Variants in CAPRIN1 observed in about 807,000 individuals in gnomAD.
CAPRIN1 encodes the protein cell cycle associated protein 1.
CAPRIN1 carries 29 observed loss-of-function variants against 100.9 expected under a neutral mutation model. That is an observed-to-expected ratio of 0.29 (90% CI 0.21 to 0.39). The LOEUF is 0.39. Among genes scored for constraint, CAPRIN1 ranks in the 10% least tolerant of loss-of-function variants. The pLI is 1.00. For synonymous variants in CAPRIN1, 338 were observed against 307.5 expected (o/e 1.10, Z -1.04); for missense variants, 795 against 876.7 (o/e 0.91, Z 1.18).
At chr11:34,098,762 T>C (rs1306174534) in intron 18 of CAPRIN1, 1 of 984,958 alleles carries the variant, frequency 1.0e-6, no homozygotes, top group African/African-American at 1.7e-5. Flanking sequence ...GCTAAAAATC[T>C]GTTTTAACAG....
chr11:34,065,109 G>A (rs1278293905), intron 2 of CAPRIN1, among the ~76,000 whole-genome samples: 2 of 151,668 alleles, frequency 1.3e-5, no homozygotes, highest in African/African-American at 4.8e-5. Context: ...ACAGGTCCCC[G>A]CCACCACGCC....
At chr11:34,088,523 A>T (rs901405102) in intron 11 of CAPRIN1, among the ~76,000 whole-genome samples, 6 of 152,004 alleles carry the variant, frequency 3.9e-5, no homozygotes, top group Non-Finnish European at 5.9e-5. Flanking sequence ...CAAATAAAAA[A>T]GTTAGCTTGG....
chr11:34,061,200 CTT>C (rs770158492), intron 2 of CAPRIN1, among the ~76,000 whole-genome samples: 213 of 102,818 alleles, frequency 2.1e-3, no homozygotes, highest in African/African-American at 7.6e-3. Context: ...AGGTAACATC[CTT>C]TTTTTTTTTT....
Position 34,076,803 on chromosome 11 carries a change from A to G in CAPRIN1, c.688+161A>G, listed in dbSNP as rs1047157709. Among the ~76,000 whole-genome samples, 3 of 149,976 alleles carry G rather than the reference A, an allele frequency of 2.0e-5. No homozygotes were observed. The Admixed American group carries it at 2.0e-4, about 10-fold the overall frequency. ...GGTTGGAGTGTAGTAGTGTGATCTC[A>G]GCTCACAGCAACCTCCGCCTCCCAG... On this transcript the variant is annotated intron_variant, in intron 6 of 18. Transcript: ENST00000341394.
At chr11:34,062,192 C>G (rs1440377105) in intron 2 of CAPRIN1, among the ~76,000 whole-genome samples, 1 of 152,068 alleles carries the variant, frequency 6.6e-6, no homozygotes, top group Non-Finnish European at 1.5e-5. Context: ...CACTAGCTAA[C>G]AATACTCAGT....
chr11:34,055,687 A>C (rs1565080723), intron 2 of CAPRIN1: 1 of 152,210 alleles, frequency 6.6e-6, no homozygotes, highest in Non-Finnish European at 1.5e-5. Context: ...AACTAGGCTA[A>C]TACATACTGA....
chr11:34,084,312 C>T (rs143210117), intron 9 of CAPRIN1, among the ~76,000 whole-genome samples: 4 of 152,178 alleles, frequency 2.6e-5, no homozygotes, highest in Admixed American at 2.6e-4. Context: ...CAAAATGTCC[C>T]ATTGGTAAGG....
At chr11:34,087,257 T>A (rs1212889723) in intron 11 of CAPRIN1, among the ~76,000 whole-genome samples, 2 of 152,174 alleles carry the variant, frequency 1.3e-5, no homozygotes, top group African/African-American at 4.8e-5. Flanking sequence ...AGTAAAAGTA[T>A]GTTTAATGAC....
rs547734992 is a variant in CAPRIN1 at position 34,100,333 on chromosome 11, C to CTT, written c.*973_*974dup. On this transcript the variant is annotated 3_prime_UTR_variant, in exon 19 of 19. Coordinates refer to ENST00000341394, the MANE Select transcript of CAPRIN1 (RefSeq NM_005898.5). ...ACATGTTTTTCCTTCAGCTTGAAAG[C>CTT]TTTTTTTTAAAAGGAAAAGATACCA... 1 of 151,858 alleles carries CTT rather than the reference C, an allele frequency of 6.6e-6. No individual in the cohort carries two copies. Among genetic ancestry groups the CTT allele is most frequent in the Non-Finnish European group, 1.5e-5 (1 of 67,944 alleles). 9.4% of individuals were successfully genotyped at this position (151,858 alleles called of 1,614,324 possible). A position where few individuals can be genotyped will look rare whatever the true frequency, so the allele number is the denominator to read the frequency against.
rs780408789 is a variant in CAPRIN1, at chr11:34,090,297, C to T, written c.1404+8C>T. 4 of 1,578,064 alleles carry T rather than the reference C, an allele frequency of 2.5e-6. No individual in the cohort carries two copies. The highest frequency in any genetic ancestry group is 2.2e-5 in the South Asian group (2 of 90,272). On this transcript the variant is annotated splice_region_variant and intron_variant, in intron 13 of 18. Transcript: ENST00000341394. Reference sequence around the variant, plus strand: ...CCAATTGATCAGATTCAGGCAAGTTCTGTTACCGGGTCACATACATTTGAT... The same window carrying T: ...CCAATTGATCAGATTCAGGCAAGTTTTGTTACCGGGTCACATACATTTGAT...
intron 2 of CAPRIN1, among the ~76,000 whole-genome samples, chr11:34,066,553 C>T (rs903739774): frequency 1.3e-5 from 2 of 151,520 alleles, no homozygotes; most frequent in Non-Finnish European, 2.9e-5. Context: ...AGGCTGGTCT[C>T]GAACTCCTGA....
intron 13 of CAPRIN1, 36 bp downstream of exon 13, chr11:34,090,325 G>T (rs770494875): frequency 7.2e-7 from 1 of 1,395,072 alleles, no homozygotes; most frequent in Admixed American, 1.7e-5. Context: ...CATTTGATGA[G>T]GCACTTACTC....
chr11:34,091,325 C>T (rs983207215), intron 14 of CAPRIN1, among the ~76,000 whole-genome samples: 6 of 152,326 alleles, frequency 3.9e-5, no homozygotes, highest in South Asian at 2.1e-4. Context: ...CTTGCTCCGT[C>T]GCCCAGGCTG....
At chr11:34,069,845 G>T (rs1191411431) in intron 2 of CAPRIN1, among the ~76,000 whole-genome samples, 5 of 150,272 alleles carry the variant, frequency 3.3e-5, no homozygotes, top group Admixed American at 2.7e-4. Context: ...TTTCAATTTG[G>T]GGTAGAATGG....
rs534196435 is a variant in CAPRIN1 at position 34,053,146 on chromosome 11, C to T, written c.216+510C>T. On this transcript the variant is annotated intron_variant, in intron 2 of 18. Transcript: ENST00000341394. ...GCACTCGAGACCTGTCGAGCGTCCC[C>T]TCTTCTTCCGTAGGAGAGAAGTGTG... 1.7e-5 allele frequency: 17 copies of T among 988,654 alleles called. No individual in the cohort carries two copies. In the African/African-American group the frequency reaches 1.7e-4, roughly 10 times the overall value. 61.2% of individuals were successfully genotyped at this position (988,654 alleles called of 1,614,324 possible).
chr11:34,065,170 G>T (rs1260648691), intron 2 of CAPRIN1, among the ~76,000 whole-genome samples: 1 of 151,790 alleles, frequency 6.6e-6, no homozygotes, highest in African/African-American at 2.4e-5. Context: ...CACCTTGTTA[G>T]CCAGGATGGT....
intron 2 of CAPRIN1, among the ~76,000 whole-genome samples, chr11:34,069,696 C>T (rs1466536615): frequency 2.0e-5 from 3 of 151,422 alleles, no homozygotes; most frequent in African/African-American, 4.9e-5. Flanking sequence ...AAATTTTATA[C>T]CTGTTTATTT....
intron 2 of CAPRIN1, among the ~76,000 whole-genome samples, chr11:34,054,034 T>C (rs1590715620): frequency 1.3e-5 from 2 of 152,220 alleles, no homozygotes; most frequent in South Asian, 4.1e-4. Context: ...GGTGCTGATA[T>C]AGTAACTGGC....
chr11:34,079,532 A>AT, intron 6 of CAPRIN1, 96 bp from the exon 7 acceptor site: 4 of 999,134 alleles, frequency 4.0e-6, no homozygotes, highest in East Asian at 2.5e-5. Flanking sequence ...AGTAACAGTT[A>AT]TTTTTTAATC....
Sources: allele counts gnomAD v4.1 joint callset (sites outside exome capture counted in the v4.1 genomes callset), GRCh38; gene constraint gnomAD v4.1.1; transcripts MANE v1.5; gene names NCBI Gene and HGNC (gene_info 2026-07-23, HGNC 2026-07-21).